The following NKAIN1 variants were observed in gnomAD, a reference collection of about 807,000 sequenced individuals.
NKAIN1 encodes sodium/potassium transporting ATPase interacting 1, also known as sodium/potassium-transporting ATPase subunit beta-1-interacting protein 1.
In NKAIN1, 13 loss-of-function variants were observed where a neutral mutation model predicts 31.6. The ratio of observed to expected loss-of-function variants is 0.41; its 90% CI spans 0.27 to 0.65. The LOEUF (loss-of-function observed/expected upper bound fraction) is 0.65, where lower values mean the gene tolerates loss of function less well. NKAIN1 is among the 30% of genes least tolerant of loss of function. The pLI is 0.30. For synonymous variants in NKAIN1, 104 were observed against 109.0 expected (o/e 0.95, Z 0.28); for missense variants, 193 against 262.2 (o/e 0.74, Z 1.82).
At chr1:31,183,430 T>G (rs1425403701) in intron 4 of NKAIN1, among the ~76,000 whole-genome samples, 2 of 134,150 alleles carry the variant, frequency 1.5e-5, no homozygotes, top group Admixed American at 8.4e-5. Flanking sequence ...CCTAGGTTCA[T>G]TCCCTCTTTT....
chr1:31,213,858 G>A (rs1241099263), intron 1 of NKAIN1, among the ~76,000 whole-genome samples: 1 of 151,850 alleles, frequency 6.6e-6, no homozygotes, highest in Non-Finnish European at 1.5e-5. Context: ...GCTGGGTGTA[G>A]TGGTGCACAC....
intron 1 of NKAIN1, among the ~76,000 whole-genome samples, chr1:31,216,690 T>TTTTATCTATTTATCTA (rs369336386): frequency 0.22 from 31,119 of 140,422 alleles, 3,821 homozygotes; most frequent in African/African-American, 0.3. Flanking sequence ...TGGCATTGAC[T>TTTTATCTATTTATCTA]TTTATTTATT....
chr1:31,236,840 C>T (rs80029070), intron 1 of NKAIN1, among the ~76,000 whole-genome samples: 1,546 of 152,274 alleles, frequency 0.01, 31 homozygotes, highest in African/African-American at 0.035. Context: ...CACTCTACCA[C>T]CTTCATTTCT....
intron 1 of NKAIN1, among the ~76,000 whole-genome samples, chr1:31,200,449 C>T (rs1420686256): frequency 1.4e-5 from 2 of 142,644 alleles, no homozygotes; most frequent in Admixed American, 7.7e-5. Context: ...GACCAGAAGT[C>T]TCCTCTCTCT....
At chr1:31,192,367 C>T (rs1295851359) in intron 1 of NKAIN1, among the ~76,000 whole-genome samples, 1 of 152,138 alleles carries the variant, frequency 6.6e-6, no homozygotes, top group Non-Finnish European at 1.5e-5. Flanking sequence ...AACGTTTAGT[C>T]TATGTCAGGC....
At chr1:31,236,277 C>T (rs151134195) in intron 1 of NKAIN1, among the ~76,000 whole-genome samples, 242 of 152,266 alleles carry the variant, frequency 1.6e-3, no homozygotes, top group Admixed American at 2.5e-3. Context: ...TCCCTTAAAC[C>T]CCATGGCACC....
intron 1 of NKAIN1, among the ~76,000 whole-genome samples, chr1:31,236,600 G>A (rs947549650): frequency 6.6e-6 from 1 of 152,166 alleles, no homozygotes; most frequent in Non-Finnish European, 1.5e-5. Flanking sequence ...AATGAGCCCA[G>A]ATAGTGCAAC....
At position 31,181,351 on chromosome 1, in the gene NKAIN1, G is replaced by T. The variant is rs964930718; in HGVS notation, c.*352C>A. The T allele has an allele frequency of 1.2e-5, 3 of 256,266 alleles. No homozygotes were observed. Among genetic ancestry groups the T allele is most frequent in the Non-Finnish European group, 2.2e-5 (3 of 136,126 alleles). The allele number at this position is 256,266 out of a possible 1,614,324, so 15.9% of individuals were successfully genotyped here. A position where few individuals can be genotyped will look rare whatever the true frequency, so the allele number is the denominator to read the frequency against. ...TGATGTCCTGCTGTTTTTGGACAGG[G>T]GGGCAGGATGCTGGGTGAAGAGTGA... On this transcript the variant is annotated 3_prime_UTR_variant, in exon 7 of 7. Coordinates refer to ENST00000373736, the MANE Select transcript of NKAIN1 (RefSeq NM_024522.3).
At chr1:31,218,716 C>A (rs947308918) in intron 1 of NKAIN1, among the ~76,000 whole-genome samples, 1 of 152,190 alleles carries the variant, frequency 6.6e-6, no homozygotes, top group Non-Finnish European at 1.5e-5. Context: ...CTCCTCCTCA[C>A]GTCCCCACTT....
intron 1 of NKAIN1, among the ~76,000 whole-genome samples, chr1:31,238,404 G>A (rs1250634828): frequency 6.6e-6 from 1 of 152,176 alleles, no homozygotes; most frequent in Non-Finnish European, 1.5e-5. Flanking sequence ...TCAGACCTGG[G>A]TTCGGCGATG....
chr1:31,215,732 G>A (rs928508993), intron 1 of NKAIN1, among the ~76,000 whole-genome samples: 16 of 152,156 alleles, frequency 1.1e-4, no homozygotes, highest in African/African-American at 3.1e-4. Flanking sequence ...GCCTGTTACC[G>A]CTGGAGCAGT....
chr1:31,188,504 C>G (rs1445828876), intron 1 of NKAIN1: 1 of 264,464 alleles, frequency 3.8e-6, no homozygotes, highest in Non-Finnish European at 7.2e-6. Context: ...TCCAGACTGC[C>G]ACCCCTAGCC....
intron 1 of NKAIN1, among the ~76,000 whole-genome samples, chr1:31,231,772 C>A (rs1039490914): frequency 7.9e-5 from 12 of 152,114 alleles, no homozygotes; most frequent in Non-Finnish European, 1.3e-4. Flanking sequence ...CCTTGTGATC[C>A]GCCCGCCTTG....
intron 1 of NKAIN1, among the ~76,000 whole-genome samples, chr1:31,192,416 G>T (rs1262778095): frequency 6.6e-6 from 1 of 152,100 alleles, no homozygotes; most frequent in African/African-American, 2.4e-5. Context: ...AAGAAGTTGG[G>T]GTCCCTGCCC....
At chr1:31,184,320 C>G (rs1210911999) in intron 3 of NKAIN1, among the ~76,000 whole-genome samples, 1 of 152,126 alleles carries the variant, frequency 6.6e-6, no homozygotes, top group Admixed American at 6.6e-5. Context: ...TTCAGTATCT[C>G]CACTGCTCCC....
chr1:31,235,078 G>A (rs1645684909), intron 1 of NKAIN1, among the ~76,000 whole-genome samples: 1 of 152,158 alleles, frequency 6.6e-6, no homozygotes, highest in South Asian at 2.1e-4. Context: ...CTTTACATAT[G>A]TATGCTCATT....
Position 31,182,555 on chromosome 1 carries a change from T to G in NKAIN1, c.507A>C (p.Lys169Asn). Residue 169 changes from lysine to asparagine, a missense_variant, in exon 5 of 7, where the codon AAA (lysine) becomes AAC (asparagine). Lys to Asn is a moderately conservative substitution (Grantham distance 94). Coordinates refer to ENST00000373736, the MANE Select transcript of NKAIN1 (RefSeq NM_024522.3). ...FGFVFACYVS[K>N]VFLEEEDSFD... ...AGCTGTCCTCCTCCTCCAGGAACAC[T>G]TTGCTCACGTAGCAGGCGAACACGA... 1 of 1,614,040 alleles carries G rather than the reference T, an allele frequency of 6.2e-7. No individual in the cohort carries two copies. Among genetic ancestry groups the G allele is most frequent in the Non-Finnish European group, 8.5e-7 (1 of 1,179,962 alleles).
intron 1 of NKAIN1, among the ~76,000 whole-genome samples, chr1:31,220,772 A>G (rs1021384214): frequency 6.6e-6 from 1 of 151,676 alleles, no homozygotes; most frequent in Non-Finnish European, 1.5e-5. Flanking sequence ...AAAAAAAAAA[A>G]AAAGCATCCA....
intron 1 of NKAIN1, among the ~76,000 whole-genome samples, chr1:31,215,972 G>A (rs1645508946): frequency 6.6e-6 from 1 of 152,134 alleles, no homozygotes; most frequent in Non-Finnish European, 1.5e-5. Context: ...CTCGTTCTAC[G>A]AAGGGGACAA....
Sources: allele counts gnomAD v4.1 joint callset (sites outside exome capture counted in the v4.1 genomes callset), GRCh38; gene constraint gnomAD v4.1.1; transcripts MANE v1.5; gene names NCBI Gene and HGNC (gene_info 2026-07-23, HGNC 2026-07-21).